Variants in PPM1L observed in about 807,000 individuals in gnomAD.
PPM1L encodes the protein protein phosphatase, Mg2+/Mn2+ dependent 1L, also known as protein phosphatase 1L.
A neutral mutation model predicts 31.4 loss-of-function variants in PPM1L; 13 were observed. The ratio of observed to expected loss-of-function variants is 0.41; its 90% CI spans 0.27 to 0.66. The LOEUF (loss-of-function observed/expected upper bound fraction) is 0.66, where lower values mean the gene tolerates loss of function less well. PPM1L is among the 30% of genes least tolerant of loss of function. The pLI, the probability that PPM1L is intolerant of heterozygous loss-of-function variation, is 0.29. For synonymous variants in PPM1L, 184 were observed against 175.4 expected (o/e 1.05, Z -0.39); for missense variants, 326 against 453.7 (o/e 0.72, Z 2.56).
intron 2 of PPM1L, among the ~76,000 whole-genome samples, chr3:160,966,830 C>T (rs1166267146): frequency 6.6e-6 from 1 of 151,360 alleles, no homozygotes; most frequent in Non-Finnish European, 1.5e-5. Flanking sequence ...TTAGCATTCA[C>T]AGACTGTGAG....
At chr3:161,053,916 T>C (rs896947482) in intron 2 of PPM1L, among the ~76,000 whole-genome samples, 9 of 152,248 alleles carry the variant, frequency 5.9e-5, no homozygotes, top group African/African-American at 2.2e-4. Flanking sequence ...TGTTTGCTTA[T>C]GCAAAAATAT....
chr3:160,840,160 T>C (rs1713827829), intron 1 of PPM1L, among the ~76,000 whole-genome samples: 1 of 152,178 alleles, frequency 6.6e-6, no homozygotes, highest in African/African-American at 2.4e-5. Context: ...TTGCTAATGG[T>C]ACTTTTAAAA....
intron 1 of PPM1L, among the ~76,000 whole-genome samples, chr3:160,785,835 T>G (rs1244614584): frequency 4.0e-5 from 6 of 151,046 alleles, no homozygotes; most frequent in South Asian, 2.1e-4. Flanking sequence ...GTGCACTGTT[T>G]TTTTTTTTTT....
intron 1 of PPM1L, among the ~76,000 whole-genome samples, chr3:160,923,186 A>G (rs1016254700): frequency 2.6e-5 from 4 of 152,190 alleles, no homozygotes; most frequent in African/African-American, 7.2e-5. Flanking sequence ...TTATTTTTAA[A>G]TGAAACTACT....
intron 1 of PPM1L, among the ~76,000 whole-genome samples, chr3:160,834,612 T>C (rs1713640996): frequency 6.6e-6 from 1 of 152,066 alleles, no homozygotes; most frequent in African/African-American, 2.4e-5. Flanking sequence ...TTTCTCCATC[T>C]ATATAGTTTT....
chr3:160,885,863 T>C (rs1375223294), intron 1 of PPM1L, among the ~76,000 whole-genome samples: 1 of 152,214 alleles, frequency 6.6e-6, no homozygotes, highest in African/African-American at 2.4e-5. Flanking sequence ...GCACCACAGC[T>C]GTGGCTGCCT....
intron 1 of PPM1L, among the ~76,000 whole-genome samples, chr3:160,847,133 C>T (rs1714100592): frequency 6.6e-6 from 1 of 152,106 alleles, no homozygotes; most frequent in African/African-American, 2.4e-5. Context: ...TTTTCTTAAA[C>T]AAGTCAAATC....
chr3:160,847,665 AAAAACAAAAC>A (rs532604436), intron 1 of PPM1L, among the ~76,000 whole-genome samples: 1 of 152,090 alleles, frequency 6.6e-6, no homozygotes, highest in African/African-American at 2.4e-5. Context: ...GGGACATACC[AAAAACAAAAC>A]AAAACAAAAC....
At chr3:160,969,451 A>G (rs1015057425) in intron 2 of PPM1L, among the ~76,000 whole-genome samples, 13 of 152,146 alleles carry the variant, frequency 8.5e-5, no homozygotes, top group Admixed American at 7.9e-4. Context: ...TGGGGGAAAA[A>G]ATTGAACATA....
chr3:160,977,090 T>A (rs1716614432), intron 2 of PPM1L, among the ~76,000 whole-genome samples: 1 of 152,208 alleles, frequency 6.6e-6, no homozygotes, highest in South Asian at 2.1e-4. Flanking sequence ...TTCTCGTTGG[T>A]TTCAAAGAAC....
intron 1 of PPM1L, among the ~76,000 whole-genome samples, chr3:160,856,515 A>G (rs954835171): frequency 6.6e-6 from 1 of 152,156 alleles, no homozygotes; most frequent in Non-Finnish European, 1.5e-5. Flanking sequence ...AGCAGCATGG[A>G]TGGTGCTGGA....
At chr3:160,941,995 G>A (rs1419718770) in intron 1 of PPM1L, among the ~76,000 whole-genome samples, 1 of 152,206 alleles carries the variant, frequency 6.6e-6, no homozygotes, top group Non-Finnish European at 1.5e-5. Context: ...AGTTGCTCAT[G>A]TAGTAGACAA....
chr3:160,935,693 C>A (rs1714946750), intron 1 of PPM1L, among the ~76,000 whole-genome samples: 1 of 152,224 alleles, frequency 6.6e-6, no homozygotes, highest in South Asian at 2.1e-4. Context: ...TGTACCAAAT[C>A]AAAGTTCATT....
chr3:161,038,426 C>T (rs1167150988), intron 2 of PPM1L, among the ~76,000 whole-genome samples: 1 of 143,996 alleles, frequency 6.9e-6, no homozygotes, highest in Non-Finnish European at 1.6e-5. Flanking sequence ...ATTCTCTGAC[C>T]TCAGCCTCCT....
At chr3:160,778,229 T>G (rs1233091264) in intron 1 of PPM1L, among the ~76,000 whole-genome samples, 2 of 150,842 alleles carry the variant, frequency 1.3e-5, no homozygotes, top group East Asian at 1.9e-4. Context: ...TTAAAATTAG[T>G]TTTTTTTTGT....
intron 2 of PPM1L, among the ~76,000 whole-genome samples, chr3:160,974,373 G>C (rs1220924725): frequency 6.6e-6 from 1 of 152,046 alleles, no homozygotes; most frequent in Non-Finnish European, 1.5e-5. Context: ...TTATAGTTGT[G>C]TGGGTGTATA....
intron 2 of PPM1L, among the ~76,000 whole-genome samples, chr3:161,022,707 A>C (rs929363952): frequency 8.0e-6 from 1 of 125,216 alleles, no homozygotes; most frequent in Non-Finnish European, 1.6e-5. Context: ...TCTGTCACCC[A>C]GGCTGGAGTG....
intron 2 of PPM1L, among the ~76,000 whole-genome samples, chr3:160,964,608 A>T (rs767520508): frequency 6.6e-6 from 1 of 152,044 alleles, no homozygotes; most frequent in Non-Finnish European, 1.5e-5. Flanking sequence ...ATTCTAACTT[A>T]GTCTTTTCGT....
At chr3:160,817,884 T>C (rs933672752) in intron 1 of PPM1L, among the ~76,000 whole-genome samples, 1 of 151,978 alleles carries the variant, frequency 6.6e-6, no homozygotes. Context: ...CTTTTGATGA[T>C]AGCCTGGAAT....
Sources: allele counts gnomAD v4.1 joint callset (sites outside exome capture counted in the v4.1 genomes callset), GRCh38; gene constraint gnomAD v4.1.1; transcripts MANE v1.5; gene names NCBI Gene and HGNC (gene_info 2026-07-23, HGNC 2026-07-21).